Variants in ARID3C observed in about 807,000 individuals in gnomAD.
ARID3C encodes AT-rich interactive domain-containing protein 3C.
A neutral mutation model predicts 37.9 loss-of-function variants in ARID3C; 42 were observed. That is an observed-to-expected ratio of 1.11 (90% CI 0.87 to 1.43). The LOEUF (loss-of-function observed/expected upper bound fraction) is 1.43. Ranked by LOEUF, ARID3C falls within the 40% of genes most tolerant of loss-of-function variation. ARID3C has a pLI of 0.00. For missense variants in ARID3C, 581 were observed against 548.8 expected (o/e 1.06, Z -0.59); for synonymous variants, 213 against 228.0 (o/e 0.93, Z 0.59).
intron 1 of ARID3C, among the ~76,000 whole-genome samples, chr9:34,627,079 G>A (rs550096498): frequency 6.6e-6 from 1 of 152,324 alleles, no homozygotes; most frequent in East Asian, 1.9e-4. Context: ...TCATACTGCG[G>A]CTGTAGTGGC....
At chr9:34,622,026 A>G in exon 6 of ARID3C, 1 of 1,614,112 alleles carries the variant, frequency 6.2e-7, no homozygotes, top group Non-Finnish European at 8.5e-7. Context: ...ATACCAGTGT[A>G]GACCACCCCG....
exon 7 of ARID3C, chr9:34,621,468 A>G (rs779179016): frequency 6.5e-7 from 1 of 1,526,806 alleles, no homozygotes; most frequent in Non-Finnish European, 8.7e-7. Flanking sequence ...TCAGGGCAAG[A>G]TGCTGGAAGG....
chr9:34,629,089 G>A (rs909964194), upstream of ARID3C, among the ~76,000 whole-genome samples: 9 of 152,090 alleles, frequency 5.9e-5, no homozygotes, highest in Non-Finnish European at 1.2e-4. Flanking sequence ...CGCGGGGGCG[G>A]GACCCGAGCG....
At chr9:34,623,496 G>C (rs781641801) in exon 4 of ARID3C, 12 of 1,546,742 alleles carry the variant, frequency 7.8e-6, no homozygotes, top group Non-Finnish European at 9.6e-6. Flanking sequence ...ACCCTGGGCT[G>C]GGCCAGGGCT....
rs1344287434 is a variant in ARID3C, at chr9:34,624,067, C to A, written c.392-20G>T. The A allele has an allele frequency of 6.4e-7, 1 of 1,564,164 alleles. No individual in the cohort carries two copies. Among genetic ancestry groups the A allele is most frequent in the Non-Finnish European group, 8.6e-7 (1 of 1,156,992 alleles). On this transcript the variant is annotated intron_variant, in intron 2 of 6. Coordinates refer to ENST00000378909, the Ensembl canonical transcript of ARID3C. Reference sequence around the variant, plus strand: ...GCGTCCCTGGTGGGGAGCGGGCTGCCGTCAGGACACTGAGACGAAGACCCT... The same window carrying A: ...GCGTCCCTGGTGGGGAGCGGGCTGCAGTCAGGACACTGAGACGAAGACCCT...
In ARID3C at chr9:34,623,466, G is replaced by A. The variant is rs1442419695; in HGVS notation, c.824C>T (p.Ala275Val). Residue 275 changes from alanine (A) to valine (V), a missense_variant, in exon 4 of 7, where the codon GCG becomes GTG. Ala to Val is a moderately conservative substitution (Grantham distance 64). Transcript: ENST00000378909. ...TGGACTCAGCTGAGCGCATGCATGC[G>A]CTGGCAGGCCGGAGGTGGAACCCTG... The A allele has an allele frequency of 3.3e-6, 5 of 1,536,228 alleles. No homozygotes were observed. The South Asian group carries it at 6.4e-5, about 20-fold the overall frequency.
At chr9:34,632,875 G>C (rs1360505968), upstream of ARID3C, among the ~76,000 whole-genome samples, 1 of 151,902 alleles carries the variant, frequency 6.6e-6, no homozygotes, top group Non-Finnish European at 1.5e-5. Context: ...TAGAGATGAA[G>C]GCAGTAAGAT....
At chr9:34,627,496 A>G (rs1820671139) in intron 1 of ARID3C, among the ~76,000 whole-genome samples, 1 of 152,090 alleles carries the variant, frequency 6.6e-6, no homozygotes, top group South Asian at 2.1e-4. Context: ...AATTTTAAAA[A>G]ATTAGCCAGG....
chr9:34,624,022 G>T (rs142104753), exon 3 of ARID3C: 47 of 1,597,116 alleles, frequency 2.9e-5, no homozygotes, highest in Middle Eastern at 1.6e-4. Flanking sequence ...GCTTCGCCAT[G>T]ATGGGCACGC....
rs932037926 is a variant in ARID3C at position 34,625,958 on chromosome 9, G to T, written c.319-144C>A. On this transcript the variant is annotated intron_variant, in intron 1 of 6. Transcript: ENST00000378909. ...GTGGACTCCCTGGGATTAGCATTAG[G>T]CTCTCTCCGCCTAGGGGCAGGCAGG... 18 of 914,620 alleles carry T rather than the reference G, an allele frequency of 2.0e-5. No homozygotes were observed. In the South Asian group the frequency reaches 2.9e-4, roughly 15 times the overall value. The allele number at this position is 914,620 out of a possible 1,614,324, so 56.7% of individuals were successfully genotyped here.
At chr9:34,632,892 C>T (rs1053939368), upstream of ARID3C, among the ~76,000 whole-genome samples, 11 of 152,114 alleles carry the variant, frequency 7.2e-5, no homozygotes, top group Admixed American at 1.3e-4. Context: ...AGATTTCCAA[C>T]TCTGGTGCTC....
exon 4 of ARID3C, chr9:34,623,582 G>C: frequency 6.2e-7 from 1 of 1,608,748 alleles, no homozygotes; most frequent in African/African-American, 1.3e-5. Context: ...GCCCTGCCAA[G>C]CCGAAGAGCG....
chr9:34,622,162 T>C (rs1256462320), intron 5 of ARID3C, 53 bp from the exon 7 acceptor site: 1 of 1,582,580 alleles, frequency 6.3e-7, no homozygotes, highest in Non-Finnish European at 8.7e-7. Flanking sequence ...ACTTCTGACT[T>C]ATTAATAGAA....
intron 4 of ARID3C, among the ~76,000 whole-genome samples, chr9:34,622,921 G>A (rs1438906884): frequency 6.6e-6 from 1 of 152,074 alleles, no homozygotes; most frequent in East Asian, 1.9e-4. Flanking sequence ...GCGGAGGAGG[G>A]CGGATCACGT....
chr9:34,621,508 T>A (rs1283114504), exon 7 of ARID3C: 2 of 1,551,544 alleles, frequency 1.3e-6, no homozygotes, highest in African/African-American at 2.9e-5. Context: ...GGTGCAGGGT[T>A]GGTTGGACCC....
upstream of ARID3C, chr9:34,628,243 G>T: frequency 1.9e-6 from 1 of 518,716 alleles, no homozygotes; most frequent in Non-Finnish European, 3.3e-6. This position sits in a 1 kb window ranked among gnomAD's most constrained non-coding sequence, Gnocchi z 5.2. Flanking sequence ...ACCAGACCCG[G>T]GGAATCAAAT....
downstream of ARID3C, chr9:34,621,294 G>C (rs1820553135): frequency 2.0e-6 from 1 of 508,032 alleles, no homozygotes; most frequent in Non-Finnish European, 3.4e-6. Flanking sequence ...CAATGAGGTA[G>C]GTGTAACATC....
chr9:34,626,057 G>T (rs1820650594), intron 1 of ARID3C, among the ~76,000 whole-genome samples: 1 of 152,196 alleles, frequency 6.6e-6, no homozygotes, highest in Admixed American at 6.5e-5. Flanking sequence ...ACCCATCTGG[G>T]GAGTAAGGGA....
chr9:34,624,866 G>A (rs983012538), intron 2 of ARID3C, among the ~76,000 whole-genome samples: 1 of 152,202 alleles, frequency 6.6e-6, no homozygotes, highest in Admixed American at 6.5e-5. Flanking sequence ...TGCTGGGATC[G>A]GTTCACACCC....
Sources: allele counts gnomAD v4.1 joint callset (sites outside exome capture counted in the v4.1 genomes callset), GRCh38; gene constraint gnomAD v4.1.1; non-coding constraint Gnocchi (gnomAD v3.1); transcripts MANE v1.5; gene names NCBI Gene and HGNC (gene_info 2026-07-23, HGNC 2026-07-21).